NAV3: variants seen among roughly 807,000 people sequenced by gnomAD.
NAV3 encodes pore membrane and/or filament interacting like protein 1.
In NAV3, 87 loss-of-function variants were observed where a neutral mutation model predicts 244.7. The ratio of observed to expected loss-of-function variants is 0.36; its 90% CI spans 0.30 to 0.42. The LOEUF (loss-of-function observed/expected upper bound fraction) is 0.42, where lower values mean the gene tolerates loss of function less well. Ranked by LOEUF, NAV3 falls within the 20% of genes least tolerant of loss-of-function variation. The probability of loss-of-function intolerance (pLI) is 1.00; values close to 1 mark genes in which losing one functional copy is unlikely to be tolerated. For missense variants in NAV3, 2,663 were observed against 2,893.3 expected, an observed-to-expected ratio of 0.92 and a Z score of 1.83; for synonymous variants, 1,126 against 1,042.2, an observed-to-expected ratio of 1.08 and a Z score of -1.55.
chr12:77,664,776 CA>C (rs1873640532), intron 2 of NAV3, among the ~76,000 whole-genome samples: 3 of 152,130 alleles, frequency 2.0e-5, no homozygotes. Flanking sequence ...ACCTGACCTT[CA>C]ATTTATTCAT....
intron 23 of NAV3, among the ~76,000 whole-genome samples, chr12:78,167,831 G>A (rs1957841368): frequency 6.6e-6 from 1 of 150,442 alleles, no homozygotes; most frequent in Non-Finnish European, 1.5e-5. Context: ...AGCTTCTAAT[G>A]GAAATATGGT....
At position 77,778,222 on chromosome 12, in the gene NAV3, C is replaced by G. The variant is rs1404976875; in HGVS notation, c.73-162097C>G. Among the ~76,000 whole-genome samples the G allele has an allele frequency of 1.5e-4, 21 of 140,332 alleles. No homozygotes were observed. In the East Asian group the frequency reaches 4.5e-3, roughly 30 times the overall value. 92.1% of individuals were successfully genotyped at this position (140,332 alleles called of 152,430 possible). ...CCTCCTCTCCCCTCTCCTTTCCTCT[C>G]CTCTCCTTTCTTCTTTCCTCCCCCC... On this transcript the variant is annotated intron_variant, in intron 2 of 8. Transcript: ENST00000550042.
intron 5 of NAV3, among the ~76,000 whole-genome samples, chr12:77,984,198 G>A (rs1480575489): frequency 6.6e-6 from 1 of 152,134 alleles, no homozygotes; most frequent in Non-Finnish European, 1.5e-5. Flanking sequence ...TTTTGAAGGA[G>A]AATAAGACCT....
chr12:78,021,672 T>C (rs1382645), intron 8 of NAV3, 75 bp from the exon 9 acceptor site: 216,936 of 984,422 alleles, frequency 0.22, 25,534 homozygotes, highest in Non-Finnish European at 0.25. Flanking sequence ...TTAATATTTC[T>C]TGTAGAACTT....
chr12:78,071,331 T>G (rs1952754170), intron 12 of NAV3, among the ~76,000 whole-genome samples: 1 of 152,192 alleles, frequency 6.6e-6, no homozygotes, highest in South Asian at 2.1e-4. Flanking sequence ...TCTTGTGTTT[T>G]TTGGCTGCAT....
chr12:77,654,244 C>T (rs1387299848), intron 2 of NAV3, among the ~76,000 whole-genome samples: 1 of 152,252 alleles, frequency 6.6e-6, no homozygotes, highest in Non-Finnish European at 1.5e-5. Context: ...TCGGGTCACT[C>T]CCACCCAAAT....
intron 2 of NAV3, among the ~76,000 whole-genome samples, chr12:77,709,898 G>A (rs745876265): frequency 6.6e-6 from 1 of 152,044 alleles, no homozygotes; most frequent in African/African-American, 2.4e-5. Context: ...TGTGCAGTCC[G>A]CCAGCACTGA....
intron 2 of NAV3, among the ~76,000 whole-genome samples, chr12:77,744,962 G>A (rs1240327646): frequency 6.6e-6 from 1 of 151,842 alleles, no homozygotes; most frequent in Non-Finnish European, 1.5e-5. Flanking sequence ...GTGTTGTTTG[G>A]TACTAGATAA....
At chr12:78,207,083 A>T (rs1019591679) in intron 39 of NAV3, among the ~76,000 whole-genome samples, 4 of 151,858 alleles carry the variant, frequency 2.6e-5, no homozygotes, top group Non-Finnish European at 5.9e-5. Context: ...GTGACGATCT[A>T]TCTGTTTTTA....
chr12:78,012,450 C>G (rs1164918708), intron 8 of NAV3, among the ~76,000 whole-genome samples: 2 of 152,034 alleles, frequency 1.3e-5, no homozygotes, highest in Admixed American at 1.3e-4. Flanking sequence ...AAATAAAACT[C>G]AAACATTGCA....
chr12:77,819,341 C>T (rs1053255487), intron 2 of NAV3, among the ~76,000 whole-genome samples: 2 of 151,428 alleles, frequency 1.3e-5, no homozygotes, highest in Admixed American at 6.6e-5. Flanking sequence ...AAAGTACAAG[C>T]ATTGACTAAT....
intron 9 of NAV3, among the ~76,000 whole-genome samples, chr12:78,022,875 A>T (rs1286032436): frequency 6.6e-6 from 1 of 152,162 alleles, no homozygotes; most frequent in Non-Finnish European, 1.5e-5. Context: ...AATCAGCATT[A>T]GTTGATAACA....
At chr12:77,578,946 T>C (rs1033261854) in intron 2 of NAV3, among the ~76,000 whole-genome samples, 12 of 151,966 alleles carry the variant, frequency 7.9e-5, no homozygotes, top group African/African-American at 2.9e-4. Flanking sequence ...TTGAATCAGA[T>C]ATTTGGTGCT....
intron 2 of NAV3, among the ~76,000 whole-genome samples, chr12:77,618,032 T>G (rs544479918): frequency 4.6e-5 from 7 of 152,124 alleles, no homozygotes; most frequent in African/African-American, 1.4e-4. Flanking sequence ...GTGCAACAAG[T>G]TTGGTTTGGT....
chr12:77,636,907 G>T (rs932945866), intron 2 of NAV3, among the ~76,000 whole-genome samples: 2 of 151,930 alleles, frequency 1.3e-5, no homozygotes, highest in Non-Finnish European at 2.9e-5. Context: ...ACCAAACACC[G>T]TATGTGCTCA....
intron 2 of NAV3, among the ~76,000 whole-genome samples, chr12:77,741,148 C>CAAAAAAAAAAAAAAAAAAAAAAAGAA: frequency 1.2e-3 from 82 of 68,610 alleles, no homozygotes; most frequent in African/African-American, 1.7e-3. Flanking sequence ...AAAAAAAAGA[C>CAAAAAAAAAAAAAAAAAAAAAAAGAA]AAAAAAAAAA....
intron 12 of NAV3, among the ~76,000 whole-genome samples, chr12:78,082,872 C>T (rs932058689): frequency 5.9e-5 from 9 of 152,140 alleles, no homozygotes; most frequent in African/African-American, 2.2e-4. Context: ...ACCTGCCTCT[C>T]CCCTGAAGAC....
chr12:78,029,283 T>C (rs768931511), intron 9 of NAV3, among the ~76,000 whole-genome samples: 12 of 152,146 alleles, frequency 7.9e-5, no homozygotes, highest in Non-Finnish European at 7.4e-5. Context: ...TGTTCATTCA[T>C]TGAACATTGA....
chr12:77,658,240 G>T (rs1316524985), intron 2 of NAV3, among the ~76,000 whole-genome samples: 136 of 152,128 alleles, frequency 8.9e-4, no homozygotes, highest in African/African-American at 3.1e-3. Flanking sequence ...TCCTTAAGCT[G>T]ATAAGCAACT....
Sources: gnomAD v4.1 joint callset for allele counts (sites outside exome capture counted in the v4.1 genomes callset) on GRCh38, gnomAD v4.1.1 for gene constraint, MANE v1.5 for transcripts, NCBI Gene and HGNC (gene_info 2026-07-23, HGNC 2026-07-21) for gene names.